Variants in FAF1 observed in about 807,000 individuals in gnomAD.
FAF1 encodes FAS-associated factor 1.
Under a neutral mutation model 92.5 loss-of-function variants are expected in FAF1, and 25 were observed. The observed-to-expected ratio is 0.27, with a 90% confidence interval of 0.20 to 0.38. The LOEUF (loss-of-function observed/expected upper bound fraction) is 0.38, where lower values mean the gene tolerates loss of function less well. FAF1 is among the 10% of genes least tolerant of loss of function. FAF1 has a pLI of 1.00. For missense variants in FAF1, 636 were observed against 793.3 expected, an observed-to-expected ratio of 0.80 and a Z score of 2.38; for synonymous variants, 234 against 273.2, an observed-to-expected ratio of 0.86 and a Z score of 1.42.
chr1:50,634,746 T>C (rs1362120036), intron 8 of FAF1, among the ~76,000 whole-genome samples: 1 of 152,180 alleles, frequency 6.6e-6, no homozygotes, highest in African/African-American at 2.4e-5. Flanking sequence ...ATGCTTAATA[T>C]AATGCAAGAA....
chr1:50,707,926 T>A (rs1657753486), intron 6 of FAF1, among the ~76,000 whole-genome samples: 1 of 152,186 alleles, frequency 6.6e-6, no homozygotes, highest in Admixed American at 6.5e-5. Flanking sequence ...ACTTGATGAC[T>A]TGCACTGTTC....
At chr1:50,740,441 C>T (rs1476163153) in intron 5 of FAF1, among the ~76,000 whole-genome samples, 1 of 152,066 alleles carries the variant, frequency 6.6e-6, no homozygotes, top group East Asian at 1.9e-4. Context: ...TGAGAGGACC[C>T]AGCTTATTAA....
intron 2 of FAF1, among the ~76,000 whole-genome samples, chr1:50,821,387 A>G (rs1390257223): frequency 1.3e-5 from 2 of 152,178 alleles, no homozygotes; most frequent in African/African-American, 4.8e-5. Context: ...ACATTTGAGA[A>G]AAATTCAGAT....
intron 8 of FAF1, among the ~76,000 whole-genome samples, chr1:50,600,549 T>C (rs931852264): frequency 1.3e-5 from 2 of 151,954 alleles, no homozygotes; most frequent in Admixed American, 6.6e-5. Flanking sequence ...ATAAAAAAAA[T>C]AAGACTAACC....
intron 8 of FAF1, among the ~76,000 whole-genome samples, chr1:50,635,561 G>A (rs1056288897): frequency 6.6e-6 from 1 of 152,086 alleles, no homozygotes; most frequent in African/African-American, 2.4e-5. Context: ...GAGTAGCTGC[G>A]ACCACGGGTG....
chr1:50,646,418 C>A (rs1169080880), intron 8 of FAF1, among the ~76,000 whole-genome samples: 1 of 152,160 alleles, frequency 6.6e-6, no homozygotes, highest in East Asian at 1.9e-4. Flanking sequence ...TCATACAAAT[C>A]GATCCTTTAG....
At chr1:50,899,731 T>G (rs1184159978) in intron 1 of FAF1, among the ~76,000 whole-genome samples, 1 of 152,190 alleles carries the variant, frequency 6.6e-6, no homozygotes, top group Non-Finnish European at 1.5e-5. Context: ...ATTACAGGCG[T>G]GAGCCACCAC....
intron 1 of FAF1, among the ~76,000 whole-genome samples, chr1:50,896,216 T>A (rs534694245): frequency 6.6e-6 from 1 of 152,044 alleles, no homozygotes; most frequent in Admixed American, 6.6e-5. Context: ...GCCCGGGAGG[T>A]TGAGGCTGCG....
intron 7 of FAF1, among the ~76,000 whole-genome samples, chr1:50,691,674 T>A (rs1284092933): frequency 2.0e-5 from 3 of 152,034 alleles, no homozygotes; most frequent in Admixed American, 2.0e-4. Context: ...TTACGCAACC[T>A]CCACCTCCCG....
intron 15 of FAF1, among the ~76,000 whole-genome samples, chr1:50,530,576 C>T (rs1648099329): frequency 2.0e-5 from 3 of 151,904 alleles, no homozygotes; most frequent in Admixed American, 2.0e-4. Flanking sequence ...TTTGATAGCA[C>T]AACAGGATGA....
intron 5 of FAF1, among the ~76,000 whole-genome samples, chr1:50,740,610 TTTTG>T (rs1318511648): frequency 7.2e-5 from 11 of 152,176 alleles, no homozygotes; most frequent in Non-Finnish European, 1.2e-4. Context: ...TCTTCTTCTG[TTTTG>T]TTTGTTTGTT....
In FAF1 at chr1:50,532,716, ACT is replaced by A. The variant is rs1298855417; in HGVS notation, c.1494+2651_1494+2652del. Among the ~76,000 whole-genome samples the A allele has an allele frequency of 2.0e-5, 3 of 151,890 alleles. No individual in the cohort carries two copies. In the East Asian group the frequency reaches 5.8e-4, roughly 29 times the overall value. On this transcript the variant is annotated intron_variant, in intron 15 of 18. Transcript: ENST00000396153. ...TAGAAGATACCTAGTGAGCATTAAA[ACT>A]CTATAAACTAATTACAGTGCTCCAA... is the stretch of plus-strand genomic sequence containing the variant.
At chr1:50,642,233 T>C (rs112185786) in intron 8 of FAF1, among the ~76,000 whole-genome samples, 2,109 of 151,644 alleles carry the variant, frequency 0.014, 47 homozygotes, top group African/African-American at 0.047. Flanking sequence ...ATCCTTGTTC[T>C]GTATCTTTTC....
chr1:50,634,561 G>T (rs182278267), intron 8 of FAF1, among the ~76,000 whole-genome samples: 171 of 152,254 alleles, frequency 1.1e-3, no homozygotes, highest in Admixed American at 2.6e-3. Context: ...ATAAAATAGG[G>T]TTGGGTACAA....
At chr1:50,624,376 T>A (rs922815416) in intron 8 of FAF1, among the ~76,000 whole-genome samples, 1 of 152,186 alleles carries the variant, frequency 6.6e-6, no homozygotes, top group Non-Finnish European at 1.5e-5. Context: ...TTCGAACTCC[T>A]GACCTTGTGA....
chr1:50,642,302 T>A (rs1369082294), intron 8 of FAF1, among the ~76,000 whole-genome samples: 1 of 152,092 alleles, frequency 6.6e-6, no homozygotes, highest in African/African-American at 2.4e-5. Context: ...AATATTTTTA[T>A]GCTTGTTTAG....
chr1:50,872,121 T>A (rs1295402482), intron 1 of FAF1, among the ~76,000 whole-genome samples: 1 of 151,780 alleles, frequency 6.6e-6, no homozygotes, highest in Non-Finnish European at 1.5e-5. Context: ...TAATAGCTGC[T>A]GTAGATAGTG....
chr1:50,885,309 C>CTCTCTCTA, intron 1 of FAF1, among the ~76,000 whole-genome samples: 1 of 148,282 alleles, frequency 6.7e-6, no homozygotes, highest in Non-Finnish European at 1.5e-5. Context: ...CTCTCTCTCT[C>CTCTCTCTA]TCTCACACAC....
chr1:50,833,228 C>T (rs1644170706), intron 2 of FAF1, among the ~76,000 whole-genome samples: 1 of 152,100 alleles, frequency 6.6e-6, no homozygotes, highest in Non-Finnish European at 1.5e-5. Context: ...ACAATGCAGT[C>T]CATCTTGGCT....
Sources: allele counts gnomAD v4.1 joint callset (sites outside exome capture counted in the v4.1 genomes callset), GRCh38; gene constraint gnomAD v4.1.1; transcripts MANE v1.5; gene names NCBI Gene and HGNC (gene_info 2026-07-23, HGNC 2026-07-21).